Variants in TMEFF2 observed in about 807,000 individuals in gnomAD.
TMEFF2 encodes the protein tomoregulin-2.
TMEFF2 carries 28 observed loss-of-function variants against 53.8 expected under a neutral mutation model. That is an observed-to-expected ratio of 0.52 (90% CI 0.39 to 0.71). The LOEUF is 0.71. Ranked by LOEUF, TMEFF2 falls within the 30% of genes least tolerant of loss-of-function variation. TMEFF2 has a pLI of 0.00. For synonymous variants in TMEFF2, 162 were observed against 166.3 expected, an observed-to-expected ratio of 0.97 and a Z score of 0.20; for missense variants, 353 against 455.2, an observed-to-expected ratio of 0.78 and a Z score of 2.04.
intron 5 of TMEFF2, chr2:192,032,301 CCTT>C (rs1375946116): frequency 6.6e-6 from 1 of 152,084 alleles, no homozygotes; most frequent in Non-Finnish European, 1.5e-5. Flanking sequence ...TGATGGTTTT[CCTT>C]CTTCTATAAA....
chr2:192,017,226 G>T (rs1295617692), intron 5 of TMEFF2, among the ~76,000 whole-genome samples: 1 of 152,170 alleles, frequency 6.6e-6, no homozygotes, highest in Non-Finnish European at 1.5e-5. Flanking sequence ...GGCAGGTGGG[G>T]CCAGGTCATG....
At chr2:191,989,399 A>G (rs1405482841) in intron 7 of TMEFF2, among the ~76,000 whole-genome samples, 2 of 152,090 alleles carry the variant, frequency 1.3e-5, no homozygotes, top group Non-Finnish European at 2.9e-5. Context: ...TATTTATCCT[A>G]ATTTGAGGGC....
chr2:192,057,794 G>C lies in TMEFF2; in HGVS notation c.440-19C>G. 6.3e-7 allele frequency: 1 copy of C among 1,587,202 alleles called. No individual in the cohort carries two copies. The highest frequency in any genetic ancestry group is 8.7e-7 in the Non-Finnish European group (1 of 1,155,850). ...TCATGGACTGTAGGACAGAAAAACA[G>C]TAAAAGGAATTCAGGTAATTGTGCA... On this transcript the variant is annotated intron_variant, in intron 4 of 9. Coordinates refer to ENST00000272771, the MANE Select transcript of TMEFF2 (RefSeq NM_016192.4).
intron 4 of TMEFF2, among the ~76,000 whole-genome samples, chr2:192,129,204 G>C (rs1272025330): frequency 6.6e-6 from 1 of 152,158 alleles, no homozygotes; most frequent in Admixed American, 6.5e-5. Flanking sequence ...TTGGTTCCCT[G>C]AGAGTTCCTC....
At chr2:192,049,550 A>T (rs919048439) in intron 5 of TMEFF2, among the ~76,000 whole-genome samples, 1 of 152,144 alleles carries the variant, frequency 6.6e-6, no homozygotes, top group African/African-American at 2.4e-5. Flanking sequence ...CTGAGTGTGG[A>T]GACAGGAATC....
chr2:191,975,866 T>C (rs934753965), intron 7 of TMEFF2, among the ~76,000 whole-genome samples: 1 of 152,172 alleles, frequency 6.6e-6, no homozygotes, highest in Non-Finnish European at 1.5e-5. Context: ...CAACACAGAA[T>C]TGGACCCATA....
At chr2:191,981,638 G>A (rs1250704133) in intron 7 of TMEFF2, among the ~76,000 whole-genome samples, 2 of 152,072 alleles carry the variant, frequency 1.3e-5, no homozygotes, top group African/African-American at 4.8e-5. Flanking sequence ...AAAGTTATTT[G>A]AATAATTATA....
intron 4 of TMEFF2, among the ~76,000 whole-genome samples, chr2:192,110,601 G>A (rs898359281): frequency 1.3e-5 from 2 of 151,866 alleles, no homozygotes; most frequent in Non-Finnish European, 2.9e-5. Flanking sequence ...TACCATATAC[G>A]AGCTTGTTAT....
intron 4 of TMEFF2, among the ~76,000 whole-genome samples, chr2:192,152,796 C>G (rs1301608392): frequency 6.6e-6 from 1 of 151,876 alleles, no homozygotes; most frequent in Admixed American, 6.6e-5. Flanking sequence ...AACCTACAGG[C>G]CACTAATTTT....
intron 7 of TMEFF2, among the ~76,000 whole-genome samples, chr2:191,986,534 A>C (rs1289438282): frequency 1.3e-5 from 2 of 148,172 alleles, no homozygotes; most frequent in African/African-American, 5.0e-5. Context: ...GAAACCTCAC[A>C]TTTCTATTTT....
chr2:192,058,960 T>G (rs1466305819), intron 4 of TMEFF2, among the ~76,000 whole-genome samples: 1 of 148,332 alleles, frequency 6.7e-6, no homozygotes, highest in Non-Finnish European at 1.5e-5. Context: ...ATATGTTATT[T>G]TCTCTTCATT....
intron 5 of TMEFF2, among the ~76,000 whole-genome samples, chr2:192,055,533 G>A (rs927648219): frequency 6.6e-6 from 1 of 152,038 alleles, no homozygotes; most frequent in Non-Finnish European, 1.5e-5. Flanking sequence ...CCAGCACTTT[G>A]GGAGGCCGAG....
chr2:192,120,321 G>C (rs1199198614), intron 4 of TMEFF2, among the ~76,000 whole-genome samples: 1 of 152,060 alleles, frequency 6.6e-6, no homozygotes, highest in African/African-American at 2.4e-5. Context: ...AACTGTCTTT[G>C]GGTCTTATAG....
chr2:192,100,657 T>C (rs1177801981), intron 4 of TMEFF2, among the ~76,000 whole-genome samples: 2 of 152,188 alleles, frequency 1.3e-5, no homozygotes, highest in Non-Finnish European at 2.9e-5. Flanking sequence ...TAGAGCTGTT[T>C]AAAACTCCTT....
Position 191,995,515 on chromosome 2 carries a change from C to T in TMEFF2, c.745+2747G>A, listed in dbSNP as rs541054317. Among the ~76,000 whole-genome samples the T allele has an allele frequency of 3.3e-5, 5 of 152,050 alleles. No homozygotes were observed. In the South Asian group the frequency reaches 1.0e-3, roughly 31 times the overall value. On this transcript the variant is annotated intron_variant, in intron 7 of 9. Transcript: ENST00000272771. ...TACGAGTCACACAGTTCCTGTTTTC[C>T]CTCCTTGGACAGATTTTAGCATATG...
intron 5 of TMEFF2, among the ~76,000 whole-genome samples, chr2:192,023,725 A>C (rs1294226835): frequency 6.6e-6 from 1 of 152,076 alleles, no homozygotes; most frequent in Non-Finnish European, 1.5e-5. Flanking sequence ...ATTAGTTGGG[A>C]AAATTTCATT....
At chr2:192,106,512 G>A (rs548501417) in intron 4 of TMEFF2, among the ~76,000 whole-genome samples, 6 of 151,670 alleles carry the variant, frequency 4.0e-5, no homozygotes, top group Admixed American at 1.3e-4. Flanking sequence ...ACAACACTTA[G>A]CCTACACTGT....
intron 4 of TMEFF2, among the ~76,000 whole-genome samples, chr2:192,121,839 G>A (rs186542991): frequency 6.6e-6 from 1 of 152,246 alleles, no homozygotes; most frequent in Non-Finnish European, 1.5e-5. Context: ...GCATAGGAGA[G>A]AATTGCTGAG....
At chr2:191,966,886 G>T (rs1422433915) in intron 7 of TMEFF2, among the ~76,000 whole-genome samples, 1 of 151,958 alleles carries the variant, frequency 6.6e-6, no homozygotes, top group East Asian at 1.9e-4. Context: ...GAACTGGAGG[G>T]GTTTTTATAA....
Sources: allele counts gnomAD v4.1 joint callset (sites outside exome capture counted in the v4.1 genomes callset), GRCh38; gene constraint gnomAD v4.1.1; transcripts MANE v1.5; gene names NCBI Gene and HGNC (gene_info 2026-07-23, HGNC 2026-07-21).